The following CEP290 variants were observed in gnomAD, a reference collection of about 807,000 sequenced individuals.
The protein encoded by CEP290 is centrosomal protein of 290 kDa.
Under a neutral mutation model 344.9 loss-of-function variants are expected in CEP290, and 317 were observed. The ratio of observed to expected loss-of-function variants is 0.92; its 90% CI spans 0.84 to 1.01. The LOEUF (loss-of-function observed/expected upper bound fraction) is 1.01, where lower values mean the gene tolerates loss of function less well. CEP290 is among the 50% of genes least tolerant of loss of function. CEP290 has a pLI of 0.00. For synonymous variants in CEP290, 932 were observed against 895.8 expected (o/e 1.04, Z -0.72); for missense variants, 2,754 against 2,761.4 (o/e 1.00, Z 0.06).
intron 12 of CEP290, among the ~76,000 whole-genome samples, chr12:88,125,840 A>C (rs2039696591): frequency 1.3e-5 from 2 of 152,084 alleles, no homozygotes; most frequent in African/African-American, 4.8e-5. Context: ...CTATAACTAC[A>C]GCACAAATAA....
chr12:88,077,576 A>G, intron 40 of CEP290, 121 bp downstream of exon 40: 1 of 722,150 alleles, frequency 1.4e-6, no homozygotes, highest in Non-Finnish European at 2.2e-6. Flanking sequence ...AATTAATTAC[A>G]TTAATCAAAG....
intron 12 of CEP290, 85 bp downstream of exon 12, chr12:88,126,231 T>G: frequency 2.6e-6 from 3 of 1,151,242 alleles, no homozygotes; most frequent in Non-Finnish European, 3.4e-6. Context: ...CACTAGGCAC[T>G]GATGATATAA....
At position 88,054,426 on chromosome 12, in the gene CEP290, T is replaced by A; in HGVS notation, c.6961-13A>T. Reference sequence around the variant, plus strand: ...TAAGAATCTTAATCTTTGAGGACAATGAAAAGTTAGAAGATAAGGTTTGCC... The same window carrying A: ...TAAGAATCTTAATCTTTGAGGACAAAGAAAAGTTAGAAGATAAGGTTTGCC... On this transcript the variant is annotated splice_polypyrimidine_tract_variant and intron_variant, in intron 50 of 53. Coordinates refer to ENST00000552810, the MANE Select transcript of CEP290 (RefSeq NM_025114.4). 6.3e-7 allele frequency: 1 copy of A among 1,591,866 alleles called. No homozygotes were observed. The highest frequency in any genetic ancestry group is 8.6e-7 in the Non-Finnish European group (1 of 1,162,212).
rs1375040355 is a variant in CEP290, at chr12:88,071,464, A to G, written c.5856-15T>C. 3.2e-6 allele frequency: 5 copies of G among 1,584,366 alleles called. No homozygotes were observed. In the Admixed American group the frequency reaches 9.4e-5, roughly 30 times the overall value. On this transcript the variant is annotated splice_polypyrimidine_tract_variant and intron_variant, in intron 42 of 53. Transcript: ENST00000552810. ...CTTTATCGGCTCTGTGGAATTTAATATAGAATCATGAAATATACCATTCAG... is the reference window on the plus strand; with the variant it reads ...CTTTATCGGCTCTGTGGAATTTAATGTAGAATCATGAAATATACCATTCAG...
chr12:88,101,863 G>C (rs1191964990), intron 26 of CEP290, among the ~76,000 whole-genome samples: 1 of 152,032 alleles, frequency 6.6e-6, no homozygotes, highest in African/African-American at 2.4e-5. Flanking sequence ...TCTATAAAAA[G>C]TAACATAATC....
chr12:88,121,613 CA>C (rs34457278), intron 13 of CEP290, among the ~76,000 whole-genome samples: 76,827 of 136,942 alleles, frequency 0.56, 22,449 homozygotes, highest in East Asian at 0.83. Context: ...ATGTGAATTT[CA>C]AAAAAAAAAA....
In CEP290 at chr12:88,071,812, G is replaced by A. The variant is rs763345078; in HGVS notation, c.5824C>T (p.Gln1942Ter). Reference protein sequence around the residue: ...KEGEVFTLTKQLNTLKDLFAK... With the variant: ...KEGEVFTLTK ...AAAAGATCCTTCAAAGTATTCAACT[G>A]CTTTGTTAAAGTAAAGACTTCCCCC... Residue 1942 changes from glutamine (Q) to a stop codon, truncating the protein, a stop_gained, in exon 42 of 54, where the codon CAG becomes TAG. Transcript: ENST00000552810. LOFTEE classifies it high-confidence loss of function. 2.5e-6 allele frequency: 4 copies of A among 1,600,846 alleles called. No homozygotes were observed. Among genetic ancestry groups the A allele is most frequent in the Non-Finnish European group, 1.7e-6 (2 of 1,175,306 alleles).
At chr12:88,064,790 C>G (rs902719948) in intron 44 of CEP290, among the ~76,000 whole-genome samples, 19 of 152,198 alleles carry the variant, frequency 1.2e-4, no homozygotes, top group Admixed American at 1.2e-3. Flanking sequence ...TTTTGGACTT[C>G]TAGGTCTCCA....
chr12:88,085,943 C>T (rs900835608), intron 34 of CEP290, 96 bp downstream of exon 34: 8 of 1,091,746 alleles, frequency 7.3e-6, no homozygotes, highest in African/African-American at 6.4e-5. Context: ...ATAGATTCAT[C>T]ATTCTATGCA....
chr12:88,098,814 C>T lies in CEP290; in HGVS notation c.2992-1815G>A, dbSNP rs534703364. Among the ~76,000 whole-genome samples the T allele has an allele frequency of 2.0e-5, 3 of 152,090 alleles. No homozygotes were observed. In the South Asian group the frequency reaches 6.2e-4, roughly 32 times the overall value. ...GAAAGCATTTGGAATACTATAAGAT[C>T]TGAGAGGAAAAAATGATTGAAATGA... On this transcript the variant is annotated intron_variant, in intron 26 of 53. Transcript: ENST00000552810.
At chr12:88,056,555 T>C (rs1470536741) in intron 49 of CEP290, among the ~76,000 whole-genome samples, 2 of 152,152 alleles carry the variant, frequency 1.3e-5, no homozygotes, top group Non-Finnish European at 2.9e-5. Flanking sequence ...ATCACAGATC[T>C]ACCACAAGTA....
chr12:88,059,227 G>T (rs1192928416), intron 48 of CEP290, among the ~76,000 whole-genome samples: 1 of 152,118 alleles, frequency 6.6e-6, no homozygotes, highest in South Asian at 2.1e-4. Flanking sequence ...CGAAAATGAG[G>T]TCAGAGGAAT....
intron 15 of CEP290, 134 bp downstream of exon 15, chr12:88,119,980 G>A (rs918197401): frequency 1.9e-5 from 9 of 471,060 alleles, no homozygotes; most frequent in South Asian, 4.6e-5. Context: ...ACTTTTATTT[G>A]TATTAAATGT....
Position 88,141,192 on chromosome 12 carries a change from G to T in CEP290, c.102+14C>A. 2 of 1,562,338 alleles carry T rather than the reference G, an allele frequency of 1.3e-6. No homozygotes were observed. Among genetic ancestry groups the T allele is most frequent in the Non-Finnish European group, 1.7e-6 (2 of 1,146,052 alleles). On this transcript the variant is annotated intron_variant, in intron 2 of 53. Transcript: ENST00000552810. ...GTTAATGTATATATCTATTATTATT[G>T]ACCAATTAAGCACCTTGGATAAGGA...
intron 29 of CEP290, among the ~76,000 whole-genome samples, chr12:88,091,877 G>T (rs1193225905): frequency 6.6e-6 from 1 of 152,026 alleles, no homozygotes; most frequent in Non-Finnish European, 1.5e-5. Flanking sequence ...TGAAAATACA[G>T]CATATAGCTG....
intron 26 of CEP290, among the ~76,000 whole-genome samples, chr12:88,102,336 G>A (rs928596290): frequency 6.6e-6 from 1 of 152,036 alleles, no homozygotes; most frequent in Admixed American, 6.6e-5. Flanking sequence ...AATTTACAGA[G>A]TGCATCCATG....
At chr12:88,139,352 A>G in intron 4 of CEP290, 143 bp downstream of exon 4, 1 of 507,904 alleles carries the variant, frequency 2.0e-6, no homozygotes, top group Non-Finnish European at 3.1e-6. Context: ...ATAGGAGTCT[A>G]GAAATATTTA....
chr12:88,105,527 A>C (rs1257312395), intron 25 of CEP290, among the ~76,000 whole-genome samples: 1 of 152,224 alleles, frequency 6.6e-6, no homozygotes, highest in Non-Finnish European at 1.5e-5. Context: ...TTACAAAAGC[A>C]TGTCTGTTAA....
Position 88,115,128 on chromosome 12 carries a change from TA to T in CEP290, c.1878del (p.Ser626ArgfsTer4). On this transcript the variant is annotated frameshift_variant, in exon 19 of 54. Coordinates refer to ENST00000552810, the MANE Select transcript of CEP290 (RefSeq NM_025114.4). LOFTEE classifies it high-confidence loss of function. Reference protein sequence around the residue: ...LIEKERDLERSRTVIAKFQNK... With the variant: ...LIEKERDLERXRTVIAKFQNK... The stretch of plus-strand genomic sequence containing the variant: ...TTCTGAAATTTGGCTATCACTGTCC[TA>T]CTCCTTTCTAAATCTCTTTCTTTTT... 1 of 1,489,322 alleles carries T rather than the reference TA, an allele frequency of 6.7e-7. No individual in the cohort carries two copies. The highest frequency in any genetic ancestry group is 9.2e-7 in the Non-Finnish European group (1 of 1,088,336). 92.3% of individuals were successfully genotyped at this position (1,489,322 alleles called of 1,614,324 possible). A position where few individuals can be genotyped will look rare whatever the true frequency, so the allele number is the denominator to read the frequency against.
Sources: gnomAD v4.1 joint callset for allele counts (sites outside exome capture counted in the v4.1 genomes callset) on GRCh38, gnomAD v4.1.1 for gene constraint, MANE v1.5 for transcripts, NCBI Gene and HGNC (gene_info 2026-07-23, HGNC 2026-07-21) for gene names.